Variants in IYD observed in about 807,000 individuals in gnomAD.
The protein encoded by IYD is iodotyrosine deiodinase.
In IYD, 25 loss-of-function variants were observed where a neutral mutation model predicts 28.4. The ratio of observed to expected loss-of-function variants is 0.88; its 90% CI spans 0.64 to 1.23. IYD has a LOEUF of 1.23. IYD is among the 50% of genes most tolerant of loss of function. The pLI is 0.00. For missense variants in IYD, 352 were observed against 357.9 expected (o/e 0.98, Z 0.13); for synonymous variants, 140 against 130.8 (o/e 1.07, Z -0.48).
intron 1 of IYD, chr6:150,370,106 T>G (rs1777166410): frequency 1.4e-6 from 1 of 695,792 alleles, no homozygotes; most frequent in South Asian, 1.5e-5. Context: ...CTCTGTGATC[T>G]TCAGCTGGGC....
In IYD at chr6:150,388,630, G is replaced by GCTTTCTTTCTTTCTTTCTTTCTTTCTTT. The variant is rs71010894; in HGVS notation, c.179-694_179-667dup. ...TCTAGATTTATAGTCTGGAGTTTTT[G>GCTTTCTTTCTTTCTTTCTTTCTTTCTTT]CTTTCTTTCTTTCTTTCTTTCTTTC... On this transcript the variant is annotated intron_variant, in intron 1 of 4. Transcript: ENST00000344419. Among the ~76,000 whole-genome samples the GCTTTCTTTCTTTCTTTCTTTCTTTCTTT allele has an allele frequency of 1.9e-4, 25 of 129,408 alleles. 1 individual carries two copies. Among genetic ancestry groups the GCTTTCTTTCTTTCTTTCTTTCTTTCTTT allele is most frequent in the East Asian group, 4.8e-4 (2 of 4,156 alleles). The allele number at this position is 129,408 out of a possible 152,430, so 84.9% of individuals were successfully genotyped here.
At position 150,388,630 on chromosome 6, in the gene IYD, G is replaced by GCTTGCTTGCTTT. The variant is rs1490791585; in HGVS notation, c.179-719_179-718insGCTTGCTTTCTT. 3.8e-3 allele frequency among the ~76,000 whole-genome samples: 497 copies of GCTTGCTTGCTTT among 129,358 alleles called. 3 individuals carry two copies. The highest frequency in any genetic ancestry group is 0.014 in the African/African-American group (447 of 32,394). The allele number at this position is 129,358 out of a possible 152,430, so 84.9% of individuals were successfully genotyped here. A position where few individuals can be genotyped will look rare whatever the true frequency, so the allele number is the denominator to read the frequency against. On this transcript the variant is annotated intron_variant, in intron 1 of 4. Transcript: ENST00000344419. ...TCTAGATTTATAGTCTGGAGTTTTT[G>GCTTGCTTGCTTT]CTTTCTTTCTTTCTTTCTTTCTTTC...
At chr6:150,384,262 AG>A (rs1272975725) in intron 1 of IYD, 1 of 152,170 alleles carries the variant, frequency 6.6e-6, no homozygotes, top group Non-Finnish European at 1.5e-5. Flanking sequence ...ATATTAGGGC[AG>A]GTTTGTTAAA....
chr6:150,375,881 G>A (rs1777428210), intron 1 of IYD, among the ~76,000 whole-genome samples: 1 of 152,182 alleles, frequency 6.6e-6, no homozygotes, highest in Admixed American at 6.5e-5. Flanking sequence ...CAAGGATGAT[G>A]TGACACAAAT....
chr6:150,370,802 G>C, intron 1 of IYD: 2 of 325,950 alleles, frequency 6.1e-6, no homozygotes, highest in Non-Finnish European at 8.8e-6. Flanking sequence ...AAGGAGGAGA[G>C]AGGGAGAGTT....
intron 3 of IYD, among the ~76,000 whole-genome samples, chr6:150,393,556 G>C (rs962700112): frequency 6.6e-6 from 1 of 152,174 alleles, no homozygotes; most frequent in South Asian, 2.1e-4. Context: ...CAATATATGG[G>C]ATTATATGAC....
At chr6:150,391,368 A>G (rs1778112754) in intron 2 of IYD, among the ~76,000 whole-genome samples, 1 of 152,234 alleles carries the variant, frequency 6.6e-6, no homozygotes, top group Admixed American at 6.5e-5. Context: ...GTGTTTTTAA[A>G]ACCATCTTAC....
rs1778029493 is a variant in IYD, at chr6:150,389,519, A to G, written c.346A>G (p.Ile116Val). The change falls in exon 2 of 5, where the codon ATT becomes GTT. Residue 116 changes from isoleucine to valine, a missense_variant. Transcript: ENST00000344419. Reference protein sequence around the residue: ...ISNEQVPMEVIDNVIRTAGTA... With the variant: ...ISNEQVPMEVVDNVIRTAGTA... ...TAATGAGCAAGTCCCAATGGAAGTC[A>G]TTGATAATGTCATCAGAACGGCAGG... The G allele has an allele frequency of 1.2e-6, 2 of 1,614,030 alleles. No homozygotes were observed. Among genetic ancestry groups the G allele is most frequent in the South Asian group, 2.2e-5 (2 of 91,078 alleles).
rs1778584326 is a variant in IYD at position 150,404,121 on chromosome 6, C to T, written c.*5884C>T. The T allele has an allele frequency of 6.6e-6, 1 of 152,202 alleles. No homozygotes were observed. Among genetic ancestry groups the T allele is most frequent in the African/African-American group, 2.4e-5 (1 of 41,442 alleles). The allele number at this position is 152,202 out of a possible 1,614,324, so 9.4% of individuals were successfully genotyped here. On this transcript the variant is annotated 3_prime_UTR_variant, in exon 5 of 5. Coordinates refer to ENST00000344419, the MANE Select transcript of IYD (RefSeq NM_203395.3). Reference sequence around the variant, plus strand: ...GACCAGAGATCCTAAGCAACCTCTGCTCATCTGAGTTGTCCACCATATTGT... The same window carrying T: ...GACCAGAGATCCTAAGCAACCTCTGTTCATCTGAGTTGTCCACCATATTGT...
At chr6:150,388,642 T>TCTTC (rs1777978737) in intron 1 of IYD, among the ~76,000 whole-genome samples, 1 of 55,212 alleles carries the variant, frequency 1.8e-5, no homozygotes, top group African/African-American at 4.1e-5. Flanking sequence ...TTTCTTTCTT[T>TCTTC]CTTTCTTTCT....
chr6:150,397,250 C>A (rs933246329), intron 4 of IYD, among the ~76,000 whole-genome samples: 6 of 151,918 alleles, frequency 3.9e-5, no homozygotes, highest in Non-Finnish European at 7.4e-5. Flanking sequence ...CCAGGCAGAT[C>A]ACTGGAGTTC....
intron 1 of IYD, among the ~76,000 whole-genome samples, chr6:150,388,070 T>C (rs1267308906): frequency 1.3e-5 from 2 of 152,226 alleles, no homozygotes; most frequent in Non-Finnish European, 2.9e-5. Flanking sequence ...GATGGGTTGC[T>C]GATGATTGTA....
chr6:150,381,689 T>C (rs1229117381), intron 1 of IYD, among the ~76,000 whole-genome samples: 1 of 152,216 alleles, frequency 6.6e-6, no homozygotes. Flanking sequence ...CTTTTCTTCT[T>C]AGTTGCATTA....
chr6:150,389,694 C>A, intron 2 of IYD, 151 bp downstream of exon 2: 1 of 710,198 alleles, frequency 1.4e-6, no homozygotes, highest in South Asian at 1.6e-5. Flanking sequence ...GAGTGAGTGC[C>A]AGAAACACAA....
At position 150,398,908 on chromosome 6, in the gene IYD, ACT is replaced by A; in HGVS notation, c.*672_*673del. On this transcript the variant is annotated 3_prime_UTR_variant, in exon 5 of 5. Coordinates refer to ENST00000344419, the MANE Select transcript of IYD (RefSeq NM_203395.3). ...AATACAAAAAATTAGCTGGGCATGCACTTGTAATTCCAGCTACTCAGGAGGCT... is the reference window on the plus strand; with the variant it reads ...AATACAAAAAATTAGCTGGGCATGCATGTAATTCCAGCTACTCAGGAGGCT... The A allele has an allele frequency of 6.6e-6, 1 of 152,206 alleles. No homozygotes were observed. The highest frequency in any genetic ancestry group is 6.6e-5 in the Admixed American group (1 of 15,258). 9.4% of individuals were successfully genotyped at this position (152,206 alleles called of 1,614,324 possible).
At chr6:150,374,293 G>A (rs958534713) in intron 1 of IYD, among the ~76,000 whole-genome samples, 4 of 152,200 alleles carry the variant, frequency 2.6e-5, no homozygotes, top group Non-Finnish European at 5.9e-5. Flanking sequence ...TTTCATGCTA[G>A]GTTTGGCAAA....
At chr6:150,369,925 G>T (rs1193531721) in intron 1 of IYD, 1 of 700,822 alleles carries the variant, frequency 1.4e-6, no homozygotes, top group Admixed American at 2.0e-5. Context: ...AGAATTGAGG[G>T]TGGAGGGAGA....
chr6:150,400,128 G>A lies in IYD; in HGVS notation c.*1891G>A, dbSNP rs1778465848. ...GAGGGACTCCCTCCTCTTCAGAGAAGCCCTCCTGTGGCTCAGGGGCAGCTG... is the reference window on the plus strand; with the variant it reads ...GAGGGACTCCCTCCTCTTCAGAGAAACCCTCCTGTGGCTCAGGGGCAGCTG... On this transcript the variant is annotated 3_prime_UTR_variant, in exon 5 of 5. Transcript: ENST00000344419. The A allele has an allele frequency of 6.6e-6, 1 of 152,202 alleles. No individual in the cohort carries two copies. Among genetic ancestry groups the A allele is most frequent in the East Asian group, 1.9e-4 (1 of 5,186 alleles). The allele number at this position is 152,202 out of a possible 1,614,324, so 9.4% of individuals were successfully genotyped here.
rs762187321 is a variant in IYD at position 150,394,237 on chromosome 6, C to T, written c.669C>T (p.Ile223=). The part of the protein sequence containing the change: ...NEISVSIACG[I]LLAALQNAGL... ...TCAGTGTTTCCATCGCTTGTGGCAT[C>T]CTGCTAGCTGCCCTGCAGGTATGTT... is the stretch of plus-strand genomic sequence containing the variant. The change falls in exon 4 of 5, where the codon ATC becomes ATT. Residue 223 remains isoleucine, a synonymous_variant. Transcript: ENST00000344419. 2 of 1,614,078 alleles carry T rather than the reference C, an allele frequency of 1.2e-6. No homozygotes were observed. Among genetic ancestry groups the T allele is most frequent in the South Asian group, 1.1e-5 (1 of 91,076 alleles).
Sources: gnomAD v4.1 joint callset for allele counts (sites outside exome capture counted in the v4.1 genomes callset) on GRCh38, gnomAD v4.1.1 for gene constraint, MANE v1.5 for transcripts, NCBI Gene and HGNC (gene_info 2026-07-23, HGNC 2026-07-21) for gene names.